DCAF17: variants seen among roughly 807,000 people sequenced by gnomAD.
DCAF17 encodes the protein DDB1- and CUL4-associated factor 17.
In DCAF17, 48 loss-of-function variants were observed where a neutral mutation model predicts 66.0. That is an observed-to-expected ratio of 0.73 (90% CI 0.58 to 0.92). The LOEUF (loss-of-function observed/expected upper bound fraction) is 0.92, where lower values mean the gene tolerates loss of function less well. Ranked by LOEUF, DCAF17 falls within the 40% of genes least tolerant of loss-of-function variation. The pLI is 0.00. For synonymous variants in DCAF17, 206 were observed against 214.6 expected (o/e 0.96, Z 0.35); for missense variants, 562 against 622.8 (o/e 0.90, Z 1.04).
intron 5 of DCAF17, among the ~76,000 whole-genome samples, chr2:171,450,519 T>C (rs988402965): frequency 6.6e-6 from 1 of 152,180 alleles, no homozygotes; most frequent in East Asian, 1.9e-4. Flanking sequence ...TCTGGAAATT[T>C]ATATCAAGAA....
At chr2:171,460,738 G>A (rs907700467) in intron 8 of DCAF17, among the ~76,000 whole-genome samples, 2 of 151,970 alleles carry the variant, frequency 1.3e-5, no homozygotes, top group African/African-American at 2.4e-5. Context: ...GTTTCACTAT[G>A]TTGCTCAATT....
At chr2:171,469,063 T>A (rs201630526) in intron 9 of DCAF17, 33 bp downstream of exon 9, 97 of 1,612,222 alleles carry the variant, frequency 6.0e-5, no homozygotes, top group Non-Finnish European at 7.1e-5. Context: ...TATTAGCAAA[T>A]TTGTATCAAG....
intron 2 of DCAF17, among the ~76,000 whole-genome samples, chr2:171,442,064 G>T (rs1694335709): frequency 6.6e-6 from 1 of 152,252 alleles, no homozygotes; most frequent in Non-Finnish European, 1.5e-5. Context: ...GTGTTCTAAT[G>T]ATTAAATATT....
intron 1 of DCAF17, 109 bp downstream of exon 1, chr2:171,434,812 A>C: frequency 7.2e-7 from 1 of 1,396,754 alleles, no homozygotes; most frequent in Non-Finnish European, 9.3e-7. Flanking sequence ...ATAGGGTCAC[A>C]TGTGATGGGG....
chr2:171,450,634 A>G (rs1199164753), intron 5 of DCAF17, among the ~76,000 whole-genome samples: 1 of 152,144 alleles, frequency 6.6e-6, no homozygotes, highest in African/African-American at 2.4e-5. Context: ...CTGTTTCTTT[A>G]TACACCGGGA....
At chr2:171,455,459 G>A (rs1668101335) in intron 6 of DCAF17, among the ~76,000 whole-genome samples, 1 of 152,164 alleles carries the variant, frequency 6.6e-6, no homozygotes, top group South Asian at 2.1e-4. Flanking sequence ...CAGTGCTGCA[G>A]TGAACGTATA....
intron 3 of DCAF17, among the ~76,000 whole-genome samples, chr2:171,446,213 A>AT (rs1694614172): frequency 6.6e-6 from 1 of 152,208 alleles, no homozygotes; most frequent in Non-Finnish European, 1.5e-5. Context: ...AAAGGAATTA[A>AT]TTTTAGCAAA....
At position 171,448,958 on chromosome 2, in the gene DCAF17, C is replaced by G; in HGVS notation, c.458+141C>G. ...TTAATAAACCTATTTTCTTTTTCTC[C>G]CCTCATGACTACATTTAGAGGTCTG... On this transcript the variant is annotated intron_variant, in intron 4 of 13. Transcript: ENST00000375255. The G allele has an allele frequency of 4.1e-6, 3 of 729,046 alleles. No individual in the cohort carries two copies. The South Asian group carries it at 5.3e-5, about 13-fold the overall frequency. 45.2% of individuals were successfully genotyped at this position (729,046 alleles called of 1,614,324 possible). A position where few individuals can be genotyped will look rare whatever the true frequency, so the allele number is the denominator to read the frequency against.
rs578212376 is a variant in DCAF17, at chr2:171,466,776, T to C, written c.839-2112T>C. On this transcript the variant is annotated intron_variant, in intron 8 of 13. Transcript: ENST00000375255. The stretch of plus-strand genomic sequence containing the variant: ...AATTCCTATGTCCTCTATATTGAAT[T>C]TCATATTCTTTATATATTAAATTTC... 1.6e-3 allele frequency among the ~76,000 whole-genome samples: 239 copies of C among 151,476 alleles called. 2 individuals are homozygous for C. The highest frequency in any genetic ancestry group is 6.6e-4 in the Non-Finnish European group (45 of 67,884).
chr2:171,440,947 C>T (rs748100010), intron 2 of DCAF17, among the ~76,000 whole-genome samples: 1 of 152,144 alleles, frequency 6.6e-6, no homozygotes, highest in East Asian at 1.9e-4. Context: ...AGGCTGTTTT[C>T]GTCTTGGACC....
At chr2:171,454,446 G>A (rs1480280220) in intron 6 of DCAF17, among the ~76,000 whole-genome samples, 9 of 149,974 alleles carry the variant, frequency 6.0e-5, no homozygotes, top group African/African-American at 1.7e-4. Context: ...CACCACACCC[G>A]GCTAATTTTT....
At chr2:171,448,205 C>A (rs1213289550) in intron 3 of DCAF17, among the ~76,000 whole-genome samples, 1 of 152,080 alleles carries the variant, frequency 6.6e-6, no homozygotes, top group African/African-American at 2.4e-5. Context: ...AGTCATCACT[C>A]ACTGCAGCCT....
chr2:171,481,014 T>C lies in DCAF17; in HGVS notation c.1463T>C (p.Leu488Pro). 1 of 1,613,830 alleles carries C rather than the reference T, an allele frequency of 6.2e-7. No homozygotes were observed. The highest frequency in any genetic ancestry group is 8.5e-7 in the Non-Finnish European group (1 of 1,179,730). The change falls in exon 14 of 14, where the codon CTA (leucine) becomes CCA (proline). Residue 488 changes from leucine (L) to proline (P), a missense_variant. Physicochemically the swap from Leu to Pro is moderately conservative, Grantham distance 98. Transcript: ENST00000375255. ...GTCTACTTTGACAGAGACTTGGTGCTACACATAGAGCAGAAACCCAACAGA... is the reference window on the plus strand; with the variant it reads ...GTCTACTTTGACAGAGACTTGGTGCCACACATAGAGCAGAAACCCAACAGA... Reference protein sequence around the residue: ...HEVYFDRDLVLHIEQKPNRVF... With the variant: ...HEVYFDRDLVPHIEQKPNRVF...
chr2:171,437,632 C>T (rs1428689588), intron 2 of DCAF17, among the ~76,000 whole-genome samples: 4 of 152,162 alleles, frequency 2.6e-5, no homozygotes, highest in Admixed American at 6.5e-5. Flanking sequence ...ATCTAATTCT[C>T]CTTGGGTAAA....
Position 171,483,743 on chromosome 2 carries a change from A to C in DCAF17, c.*2629A>C. ...TGGGTTGTCTCATTTAATATTCAGA[A>C]TAACCACATGAAGTATGAACTGCCA... On this transcript the variant is annotated 3_prime_UTR_variant, in exon 14 of 14. Transcript: ENST00000375255. 1 of 454,086 alleles carries C rather than the reference A, an allele frequency of 2.2e-6. No homozygotes were observed. The highest frequency in any genetic ancestry group is 1.6e-5 in the South Asian group (1 of 64,476). The allele number at this position is 454,086 out of a possible 1,614,324, so 28.1% of individuals were successfully genotyped here. A position where few individuals can be genotyped will look rare whatever the true frequency, so the allele number is the denominator to read the frequency against.
At chr2:171,453,483 GT>G (rs972727383) in intron 6 of DCAF17, among the ~76,000 whole-genome samples, 9 of 148,710 alleles carry the variant, frequency 6.1e-5, no homozygotes, top group South Asian at 4.3e-4. Context: ...AATGAGTAAG[GT>G]TTTTTTTTTC....
chr2:171,459,733 G>A (rs1695465984), intron 8 of DCAF17, among the ~76,000 whole-genome samples: 1 of 152,004 alleles, frequency 6.6e-6, no homozygotes, highest in South Asian at 2.1e-4. Flanking sequence ...TATTATTTTT[G>A]GTAGTAAATG....
Position 171,481,294 on chromosome 2 carries a change from ATT to A in DCAF17, c.*187_*188del. 1.3e-6 allele frequency: 1 copy of A among 779,576 alleles called. No individual in the cohort carries two copies. The highest frequency in any genetic ancestry group is 2.2e-6 in the Non-Finnish European group (1 of 460,852). 48.3% of individuals were successfully genotyped at this position (779,576 alleles called of 1,614,324 possible). A position where few individuals can be genotyped will look rare whatever the true frequency, so the allele number is the denominator to read the frequency against. On this transcript the variant is annotated 3_prime_UTR_variant, in exon 14 of 14. Transcript: ENST00000375255. ...TGCTGTAAAAGATGGTGAGGACTTC[ATT>A]TTTTTTAAAGGTTTTTTAGAATACT...
At chr2:171,445,725 TA>T (rs1320067163) in intron 3 of DCAF17, among the ~76,000 whole-genome samples, 1 of 152,176 alleles carries the variant, frequency 6.6e-6, no homozygotes, top group Non-Finnish European at 1.5e-5. Flanking sequence ...CTCTGTTGCC[TA>T]AGCTGGAGTC....
Sources: gnomAD v4.1 joint callset for allele counts (sites outside exome capture counted in the v4.1 genomes callset) on GRCh38, gnomAD v4.1.1 for gene constraint, MANE v1.5 for transcripts, NCBI Gene and HGNC (gene_info 2026-07-23, HGNC 2026-07-21) for gene names.